The following SNTG1 variants were observed in gnomAD, a reference collection of about 807,000 sequenced individuals.
SNTG1 encodes gamma-1-syntrophin.
SNTG1 carries 39 observed loss-of-function variants against 74.7 expected under a neutral mutation model. The ratio of observed to expected loss-of-function variants is 0.52; its 90% CI spans 0.40 to 0.68. The LOEUF (loss-of-function observed/expected upper bound fraction) is 0.68, where lower values mean the gene tolerates loss of function less well. SNTG1 is among the 30% of genes least tolerant of loss of function. The pLI, the probability that SNTG1 is intolerant of heterozygous loss-of-function variation, is 0.00. For missense variants in SNTG1, 685 were observed against 609.5 expected (o/e 1.12, Z -1.30); for synonymous variants, 254 against 217.1 (o/e 1.17, Z -1.49).
intron 2 of SNTG1, among the ~76,000 whole-genome samples, chr8:50,346,388 T>C (rs936081651): frequency 1.3e-5 from 2 of 151,652 alleles, no homozygotes. Flanking sequence ...GCAAACTTAA[T>C]TGATTCATGT....
chr8:50,269,488 C>T (rs878982758), intron 2 of SNTG1, among the ~76,000 whole-genome samples: 3 of 152,006 alleles, frequency 2.0e-5, no homozygotes, highest in Admixed American at 1.3e-4. Flanking sequence ...GTGTAAACTA[C>T]GTCTCTCTAT....
chr8:50,219,872 A>C (rs1348374114), intron 2 of SNTG1, among the ~76,000 whole-genome samples: 1 of 152,206 alleles, frequency 6.6e-6, no homozygotes, highest in Non-Finnish European at 1.5e-5. Context: ...ATGATAGAAA[A>C]GTAGTGAACT....
chr8:50,363,828 A>T (rs187345437), intron 2 of SNTG1, among the ~76,000 whole-genome samples: 3 of 152,278 alleles, frequency 2.0e-5, no homozygotes, highest in Admixed American at 2.0e-4. Context: ...TAGGCATTTG[A>T]ATACTGGTCT....
At chr8:50,350,576 C>G (rs1563929390) in intron 2 of SNTG1, among the ~76,000 whole-genome samples, 1 of 151,004 alleles carries the variant, frequency 6.6e-6, no homozygotes, top group African/African-American at 2.5e-5. Context: ...ACCTTTATGT[C>G]TAGCTAAGGG....
chr8:50,002,901 A>G (rs904270894), intron 1 of SNTG1, among the ~76,000 whole-genome samples: 1 of 152,220 alleles, frequency 6.6e-6, no homozygotes, highest in Non-Finnish European at 1.5e-5. Flanking sequence ...ATACAGTGGA[A>G]TATTATACAG....
chr8:50,221,775 T>C (rs1257134381), intron 2 of SNTG1, among the ~76,000 whole-genome samples: 1 of 152,142 alleles, frequency 6.6e-6, no homozygotes, highest in African/African-American at 2.4e-5. Context: ...AATTAGCATA[T>C]CCATTTAACA....
chr8:50,153,676 C>G (rs1387957381), intron 1 of SNTG1, among the ~76,000 whole-genome samples: 1 of 152,154 alleles, frequency 6.6e-6, no homozygotes, highest in Admixed American at 6.5e-5. Flanking sequence ...CACTCCAGAC[C>G]CTGTTTGCCT....
At chr8:49,949,884 G>A (rs1034871822) in intron 1 of SNTG1, among the ~76,000 whole-genome samples, 2 of 152,178 alleles carry the variant, frequency 1.3e-5, no homozygotes, top group Non-Finnish European at 2.9e-5. Flanking sequence ...CCAGGCCTAC[G>A]ATCCCAGCAC....
intron 16 of SNTG1, 80 bp downstream of exon 16, chr8:50,704,832 A>C (rs2095438236): frequency 6.7e-7 from 1 of 1,489,544 alleles, no homozygotes; most frequent in South Asian, 1.2e-5. Context: ...ATCATTCCAA[A>C]GTAGTGTAAA....
intron 3 of SNTG1, among the ~76,000 whole-genome samples, chr8:50,401,398 A>G (rs1444395146): frequency 6.6e-6 from 1 of 152,204 alleles, no homozygotes; most frequent in Non-Finnish European, 1.5e-5. Flanking sequence ...TTTGGTGATT[A>G]CTAAGATAAT....
intron 13 of SNTG1, among the ~76,000 whole-genome samples, chr8:50,593,537 GA>G (rs1033338882): frequency 4.0e-5 from 6 of 149,172 alleles, no homozygotes; most frequent in South Asian, 4.2e-4. Context: ...GTTCAAAAAT[GA>G]AAAAAAAACC....
chr8:50,576,278 T>G (rs78355745), intron 12 of SNTG1, among the ~76,000 whole-genome samples: 1,909 of 152,304 alleles, frequency 0.013, 22 homozygotes, highest in Non-Finnish European at 0.018. Flanking sequence ...GTGTTAAAAA[T>G]TATTTGAACA....
In SNTG1 at chr8:50,222,794, C is replaced by T. The variant is rs564560420; in HGVS notation, c.-28+50159C>T. On this transcript the variant is annotated intron_variant, in intron 2 of 18. Coordinates refer to ENST00000642720, the MANE Select transcript of SNTG1 (RefSeq NM_018967.5). Reference sequence around the variant, plus strand: ...GCACCAAAATTAATTTAGAATGGCCCGGGGAACTAGTGACCACAGTTGCAG... The same window carrying T: ...GCACCAAAATTAATTTAGAATGGCCTGGGGAACTAGTGACCACAGTTGCAG... Among the ~76,000 whole-genome samples the T allele has an allele frequency of 1.9e-3, 284 of 152,148 alleles. 2 individuals are homozygous for T. The highest frequency in any genetic ancestry group is 6.3e-3 in the African/African-American group (261 of 41,486).
intron 8 of SNTG1, among the ~76,000 whole-genome samples, chr8:50,499,704 T>C (rs2093934940): frequency 6.6e-6 from 1 of 151,860 alleles, no homozygotes; most frequent in Non-Finnish European, 1.5e-5. Flanking sequence ...TTTGAGGAAG[T>C]TCCGTTCTAC....
intron 8 of SNTG1, among the ~76,000 whole-genome samples, chr8:50,499,295 G>C: frequency 6.6e-6 from 1 of 151,648 alleles, no homozygotes; most frequent in Non-Finnish European, 1.5e-5. Flanking sequence ...ATATTTCATG[G>C]TTTTGGTGAT....
chr8:50,497,813 C>G (rs1396365344), intron 8 of SNTG1, among the ~76,000 whole-genome samples: 1 of 151,990 alleles, frequency 6.6e-6, no homozygotes, highest in African/African-American at 2.4e-5. Context: ...CTTTGTGGCG[C>G]TATACATTTG....
intron 17 of SNTG1, among the ~76,000 whole-genome samples, chr8:50,716,458 G>C (rs2095475251): frequency 6.6e-6 from 1 of 151,802 alleles, no homozygotes; most frequent in Admixed American, 6.6e-5. Flanking sequence ...AGAGCTGTTT[G>C]ATGTAATTTT....
intron 8 of SNTG1, among the ~76,000 whole-genome samples, chr8:50,451,672 G>A (rs1209936437): frequency 6.6e-6 from 1 of 152,098 alleles, no homozygotes; most frequent in Non-Finnish European, 1.5e-5. Context: ...CAGGGATGTG[G>A]ATTTTAGCAA....
chr8:50,298,154 A>G (rs1166335032), intron 2 of SNTG1, among the ~76,000 whole-genome samples: 1 of 152,108 alleles, frequency 6.6e-6, no homozygotes, highest in East Asian at 1.9e-4. Context: ...CTTATCTCCC[A>G]GAGATGGACA....
Sources: gnomAD v4.1 joint callset for allele counts (sites outside exome capture counted in the v4.1 genomes callset) on GRCh38, gnomAD v4.1.1 for gene constraint, MANE v1.5 for transcripts, NCBI Gene and HGNC (gene_info 2026-07-23, HGNC 2026-07-21) for gene names.